The following PIAS2 variants were observed in gnomAD, a reference collection of about 807,000 sequenced individuals.
The protein encoded by PIAS2 is E3 SUMO-protein ligase PIAS2.
In PIAS2, 19 loss-of-function variants were observed where a neutral mutation model predicts 69.7. The ratio of observed to expected loss-of-function variants is 0.27; its 90% CI spans 0.19 to 0.40. The LOEUF (loss-of-function observed/expected upper bound fraction) is 0.40, where lower values mean the gene tolerates loss of function less well. PIAS2 is among the 10% of genes least tolerant of loss of function. PIAS2 has a pLI of 1.00. For missense variants in PIAS2, 624 were observed against 757.0 expected, an observed-to-expected ratio of 0.82 and a Z score of 2.06; for synonymous variants, 261 against 263.2, an observed-to-expected ratio of 0.99 and a Z score of 0.08.
chr18:46,820,639 A>G (rs2042064685), intron 12 of PIAS2, among the ~76,000 whole-genome samples: 1 of 151,948 alleles, frequency 6.6e-6, no homozygotes, highest in Non-Finnish European at 1.5e-5. Context: ...GTGAGGTTCT[A>G]TAATAAAGAA....
At chr18:46,878,375 A>C (rs1468270921) in intron 2 of PIAS2, among the ~76,000 whole-genome samples, 1 of 152,256 alleles carries the variant, frequency 6.6e-6, no homozygotes, top group Non-Finnish European at 1.5e-5. Context: ...GGAAAAAACA[A>C]GCAGTTCAAC....
chr18:46,890,526 C>A, intron 2 of PIAS2, 54 bp downstream of exon 2: 2 of 1,055,388 alleles, frequency 1.9e-6, no homozygotes, highest in Non-Finnish European at 2.8e-6. Flanking sequence ...AGTTGAAGGT[C>A]TCTCATTTCA....
At chr18:46,919,876 A>G (rs2058434568), upstream of PIAS2, among the ~76,000 whole-genome samples, 1 of 152,130 alleles carries the variant, frequency 6.6e-6, no homozygotes, top group Admixed American at 6.5e-5. Flanking sequence ...CTTGATTTAC[A>G]CCTCAGTAGA....
upstream of PIAS2, chr18:46,919,992 C>G: frequency 9.2e-7 from 1 of 1,081,862 alleles, no homozygotes; most frequent in Non-Finnish European, 1.3e-6. Context: ...GAGCTTACAC[C>G]CATAAAGAGG....
chr18:46,876,656 T>C (rs1270404253), intron 2 of PIAS2, among the ~76,000 whole-genome samples: 1 of 151,914 alleles, frequency 6.6e-6, no homozygotes, highest in Admixed American at 6.6e-5. Flanking sequence ...CTTTATCCAA[T>C]GAACTAGCTA....
At chr18:46,854,515 C>A (rs1487734112) in intron 5 of PIAS2, among the ~76,000 whole-genome samples, 4 of 152,068 alleles carry the variant, frequency 2.6e-5, no homozygotes, top group Non-Finnish European at 5.9e-5. Context: ...CAGAATGGTA[C>A]CAATTTAGTA....
chr18:46,878,643 C>T (rs539928253), intron 2 of PIAS2, among the ~76,000 whole-genome samples: 95 of 152,260 alleles, frequency 6.2e-4, no homozygotes, highest in African/African-American at 2.0e-3. Flanking sequence ...CCAAGGTGGG[C>T]GGATCACCTG....
chr18:46,843,866 T>G (rs1164871347), intron 8 of PIAS2, 188 bp downstream of exon 8: 8 of 422,470 alleles, frequency 1.9e-5, no homozygotes, highest in Non-Finnish European at 3.0e-5. Context: ...TCTTCCCTCT[T>G]CTTTGTATTC....
intron 3 of PIAS2, among the ~76,000 whole-genome samples, chr18:46,863,474 T>C (rs1405564019): frequency 6.6e-6 from 1 of 151,852 alleles, no homozygotes; most frequent in African/African-American, 2.4e-5. Flanking sequence ...AATTTCTGTA[T>C]TTCTTGTAGA....
intron 1 of PIAS2, among the ~76,000 whole-genome samples, chr18:46,908,879 G>C (rs147243003): frequency 3.9e-5 from 6 of 152,030 alleles, no homozygotes; most frequent in African/African-American, 1.2e-4. Flanking sequence ...CATGGTGGCG[G>C]GTACCTGTAA....
chr18:46,830,785 C>CT (rs1163131612), intron 9 of PIAS2, among the ~76,000 whole-genome samples: 1 of 152,132 alleles, frequency 6.6e-6, no homozygotes, highest in Non-Finnish European at 1.5e-5. Context: ...CCAATGTCTT[C>CT]TCTAGGGAAT....
At chr18:46,917,642 G>C (rs1257546124), upstream of PIAS2, 10 of 799,928 alleles carry the variant, frequency 1.3e-5, no homozygotes, top group Admixed American at 6.1e-5. Flanking sequence ...CTGCCCCGGC[G>C]TGCTGCCCCG....
chr18:46,917,433 G>A lies in PIAS2; in HGVS notation c.-88C>T, dbSNP rs1299553056. The A allele has an allele frequency of 5.1e-6, 7 of 1,359,790 alleles. No individual in the cohort carries two copies. The highest frequency in any genetic ancestry group is 3.9e-5 in the Admixed American group (1 of 25,412). The allele number at this position is 1,359,790 out of a possible 1,614,324, so 84.2% of individuals were successfully genotyped here. ...CGCTGCCGCCACCACGGCCGCCGCCGCCTCCAGCACCATCCTGCACTGGGC... is the reference window on the plus strand; with the variant it reads ...CGCTGCCGCCACCACGGCCGCCGCCACCTCCAGCACCATCCTGCACTGGGC... On this transcript the variant is annotated 5_prime_UTR_variant, in exon 1 of 14. Transcript: ENST00000585916.
intron 13 of PIAS2, 89 bp downstream of exon 13, chr18:46,815,223 T>C: frequency 2.0e-6 from 2 of 1,013,872 alleles, no homozygotes; most frequent in East Asian, 4.8e-5. Flanking sequence ...GAGATGACTG[T>C]CCTGATTTTA....
intron 2 of PIAS2, among the ~76,000 whole-genome samples, chr18:46,872,781 T>C (rs947431483): frequency 6.6e-6 from 1 of 152,214 alleles, no homozygotes; most frequent in African/African-American, 2.4e-5. Context: ...TATTGCTGAC[T>C]ATGGATTGAT....
In PIAS2 at chr18:46,844,159, A is replaced by G. The variant is rs188584114; in HGVS notation, c.968-32T>C. On this transcript the variant is annotated intron_variant, in intron 7 of 13. Transcript: ENST00000585916. Reference sequence around the variant, plus strand: ...AAAGAAGAGAAAAAAAAAAATTTAAAAAAATTAAGGGTGACAAAGAAATGG... The same window carrying G: ...AAAGAAGAGAAAAAAAAAAATTTAAGAAAATTAAGGGTGACAAAGAAATGG... The G allele has an allele frequency of 3.3e-5, 38 of 1,158,228 alleles. No individual in the cohort carries two copies. The East Asian group carries it at 8.6e-4, about 26-fold the overall frequency. 71.7% of individuals were successfully genotyped at this position (1,158,228 alleles called of 1,614,324 possible).
chr18:46,818,306 G>T, intron 12 of PIAS2: 1 of 1,411,378 alleles, frequency 7.1e-7, no homozygotes. Flanking sequence ...CAATAATAAG[G>T]CAGTCATATT....
rs540618983 is a variant in PIAS2 at position 46,864,256 on chromosome 18, GAA to G, written c.500-10_500-9del. 2.0e-4 allele frequency: 234 copies of G among 1,191,764 alleles called. No homozygotes were observed. Among genetic ancestry groups the G allele is most frequent in the South Asian group, 3.4e-4 (20 of 59,540 alleles). 73.8% of individuals were successfully genotyped at this position (1,191,764 alleles called of 1,614,324 possible). On this transcript the variant is annotated splice_polypyrimidine_tract_variant and intron_variant, in intron 2 of 13. Coordinates refer to ENST00000585916, the MANE Select transcript of PIAS2 (RefSeq NM_004671.5). ...GCTGAATACTGCTTTGAACTGGGAA[GAA>G]AAAAAAAAAGAAAGATAATATTTCA...
intron 13 of PIAS2, 70 bp downstream of exon 13, chr18:46,815,242 G>T: frequency 7.9e-7 from 1 of 1,266,362 alleles, no homozygotes. Context: ...TATGCAACTG[G>T]TCATTTTTAG....
Sources: allele counts gnomAD v4.1 joint callset (sites outside exome capture counted in the v4.1 genomes callset), GRCh38; gene constraint gnomAD v4.1.1; transcripts MANE v1.5; gene names NCBI Gene and HGNC (gene_info 2026-07-23, HGNC 2026-07-21).